BRIP1: variants seen among roughly 807,000 people sequenced by gnomAD.
BRIP1 encodes Fanconi anemia group J protein.
Under a neutral mutation model 119.7 loss-of-function variants are expected in BRIP1, and 88 were observed. That is an observed-to-expected ratio of 0.74 (90% CI 0.62 to 0.88). BRIP1 has a LOEUF of 0.88. Ranked by LOEUF, BRIP1 falls within the 40% of genes least tolerant of loss-of-function variation. The pLI, the probability that BRIP1 is intolerant of heterozygous loss-of-function variation, is 0.00. For synonymous variants in BRIP1, 443 were observed against 496.5 expected (o/e 0.89, Z 1.43); for missense variants, 1,259 against 1,455.4 (o/e 0.87, Z 2.20).
chr17:61,687,470 AAAAC>A lies in BRIP1; in HGVS notation c.2576-1309_2576-1306del, dbSNP rs754264211. Among the ~76,000 whole-genome samples the A allele has an allele frequency of 3.3e-5, 5 of 152,208 alleles. No homozygotes were observed. Among genetic ancestry groups the A allele is most frequent in the Non-Finnish European group, 7.3e-5 (5 of 68,040 alleles). Reference sequence around the variant, plus strand: ...CACACTTTACGTGGAAAGGGAAGATAAAACAAATAAAGCAATATTTTCTGCTTTA... The same window carrying A: ...CACACTTTACGTGGAAAGGGAAGATAAAATAAAGCAATATTTTCTGCTTTA... On this transcript the variant is annotated intron_variant, in intron 18 of 19. Transcript: ENST00000259008. This position sits in a 1 kb window ranked among gnomAD's most constrained non-coding sequence, Gnocchi z 5.1.
intron 18 of BRIP1, among the ~76,000 whole-genome samples, chr17:61,692,183 C>T (rs2061457619): frequency 6.6e-6 from 1 of 152,184 alleles, no homozygotes; most frequent in Non-Finnish European, 1.5e-5. Context: ...GATTCTTGTG[C>T]AGCCTGCAGA....
intron 4 of BRIP1, among the ~76,000 whole-genome samples, chr17:61,854,242 T>C (rs2078862591): frequency 6.6e-6 from 1 of 151,988 alleles, no homozygotes; most frequent in Non-Finnish European, 1.5e-5. Flanking sequence ...CACAGTACTG[T>C]ACCCAGCCTG....
rs369423278 is a variant in BRIP1 at position 61,734,673 on chromosome 17, A to G, written c.2379+8340T>C. 2.7e-3 allele frequency among the ~76,000 whole-genome samples: 415 copies of G among 152,364 alleles called. 3 individuals are homozygous for G. The highest frequency in any genetic ancestry group is 0.01 in the Middle Eastern group (3 of 294). On this transcript the variant is annotated intron_variant, in intron 16 of 19. Transcript: ENST00000259008. The surrounding 1 kb of genome is among the most constrained non-coding windows in gnomAD (Gnocchi z 5.2). ...GGTGGGAAGAGGAAATCCTGGTCACAGCCAAAGGAGTCATATTTTTGGCTC... is the reference window on the plus strand; with the variant it reads ...GGTGGGAAGAGGAAATCCTGGTCACGGCCAAAGGAGTCATATTTTTGGCTC...
At position 61,687,936 on chromosome 17, in the gene BRIP1, T is replaced by G. The variant is rs182076253; in HGVS notation, c.2576-1771A>C. Among the ~76,000 whole-genome samples the G allele has an allele frequency of 4.0e-4, 61 of 152,308 alleles. No individual in the cohort carries two copies. The Middle Eastern group carries it at 0.01, about 25-fold the overall frequency. On this transcript the variant is annotated intron_variant, in intron 18 of 19. Transcript: ENST00000259008. This position sits in a 1 kb window ranked among gnomAD's most constrained non-coding sequence, Gnocchi z 5.1. Reference sequence around the variant, plus strand: ...ACTGAAGAGCTGACATGAGCTGGCATACCCTACATGCCCAGGGGCCACTAA... The same window carrying G: ...ACTGAAGAGCTGACATGAGCTGGCAGACCCTACATGCCCAGGGGCCACTAA...
Position 61,798,351 on chromosome 17 carries a change from C to A in BRIP1, c.1340+749G>T, listed in dbSNP as rs1477105612. Reference sequence around the variant, plus strand: ...AATAGTGAGGGACAAGAAAATATATCTAATATTGGTTCATAAATGAGTAAT... The same window carrying A: ...AATAGTGAGGGACAAGAAAATATATATAATATTGGTTCATAAATGAGTAAT... On this transcript the variant is annotated intron_variant, in intron 9 of 19. Coordinates refer to ENST00000259008, the MANE Select transcript of BRIP1 (RefSeq NM_032043.3). This position sits in a 1 kb window ranked among gnomAD's most constrained non-coding sequence, Gnocchi z 5.5. Among the ~76,000 whole-genome samples, 2 of 151,814 alleles carry A rather than the reference C, an allele frequency of 1.3e-5. No homozygotes were observed. The highest frequency in any genetic ancestry group is 1.5e-5 in the Non-Finnish European group (1 of 67,890).
At chr17:61,781,170 A>G (rs187853151) in intron 11 of BRIP1, among the ~76,000 whole-genome samples, 165 bp from the exon 12 acceptor site, 6 of 152,360 alleles carry the variant, frequency 3.9e-5, no homozygotes, top group African/African-American at 1.4e-4. Context: ...AGTAATTCTG[A>G]TATTAATAAA....
At position 61,780,228 on chromosome 17, in the gene BRIP1, G is replaced by T; in HGVS notation, c.1935+33C>A. The stretch of plus-strand genomic sequence containing the variant: ...ATAGTTATATTGAAGTAGAAACACT[G>T]AAGGCCTTCCAAAAAAAAAAACAAC... On this transcript the variant is annotated intron_variant, in intron 13 of 19. Transcript: ENST00000259008. This position sits in a 1 kb window ranked among gnomAD's most constrained non-coding sequence, Gnocchi z 5.4. 4 of 1,589,472 alleles carry T rather than the reference G, an allele frequency of 2.5e-6. No homozygotes were observed. Among genetic ancestry groups the T allele is most frequent in the South Asian group, 1.1e-5 (1 of 89,200 alleles).
rs1349074029 is a variant in BRIP1 at position 61,724,455 on chromosome 17, T to G, written c.2380-8392A>C. On this transcript the variant is annotated intron_variant, in intron 16 of 19. Coordinates refer to ENST00000259008, the MANE Select transcript of BRIP1 (RefSeq NM_032043.3). The surrounding 1 kb of genome is among the most constrained non-coding windows in gnomAD (Gnocchi z 5.1). Reference sequence around the variant, plus strand: ...GAAATTAAGGTCACAATTATTAACATTAGACTTTTTCAACTTTCAGTCAAA... The same window carrying G: ...GAAATTAAGGTCACAATTATTAACAGTAGACTTTTTCAACTTTCAGTCAAA... 1.3e-5 allele frequency among the ~76,000 whole-genome samples: 2 copies of G among 152,254 alleles called. No individual in the cohort carries two copies. The highest frequency in any genetic ancestry group is 4.8e-5 in the African/African-American group (2 of 41,560).
Position 61,816,092 on chromosome 17 carries a change from C to A in BRIP1, c.628-7335G>T, listed in dbSNP as rs2078232565. On this transcript the variant is annotated intron_variant, in intron 6 of 19. Transcript: ENST00000259008. This position sits in a 1 kb window ranked among gnomAD's most constrained non-coding sequence, Gnocchi z 5.0. ...AAAGCAGCTGTTTATCCACTCACAG[C>A]AACCAGCAGGTGAACCTGATTCAAT... is the stretch of plus-strand genomic sequence containing the variant. Among the ~76,000 whole-genome samples, 1 of 152,200 alleles carries A rather than the reference C, an allele frequency of 6.6e-6. No individual in the cohort carries two copies. The highest frequency in any genetic ancestry group is 1.5e-5 in the Non-Finnish European group (1 of 68,028).
rs1255081044 is a variant in BRIP1, at chr17:61,805,867, T to C, written c.918+2600A>G. 6.6e-6 allele frequency among the ~76,000 whole-genome samples: 1 copy of C among 152,256 alleles called. No individual in the cohort carries two copies. Among genetic ancestry groups the C allele is most frequent in the African/African-American group, 2.4e-5 (1 of 41,474 alleles). On this transcript the variant is annotated intron_variant, in intron 7 of 19. Transcript: ENST00000259008. The surrounding 1 kb of genome is among the most constrained non-coding windows in gnomAD (Gnocchi z 5.6). Reference sequence around the variant, plus strand: ...AAAGTGCCTTTAGAATCTATGACTATGAGCTATTAAGTCTCATTTTAACCA... The same window carrying C: ...AAAGTGCCTTTAGAATCTATGACTACGAGCTATTAAGTCTCATTTTAACCA...
chr17:61,797,576 T>C lies in BRIP1; in HGVS notation c.1340+1524A>G, dbSNP rs116712757. ...GAATTAGCAACTACAGACAACTCTT[T>C]CAACAAGTTATGCTGTAAAATAAAA... On this transcript the variant is annotated intron_variant, in intron 9 of 19. Coordinates refer to ENST00000259008, the MANE Select transcript of BRIP1 (RefSeq NM_032043.3). 4.9e-3 allele frequency among the ~76,000 whole-genome samples: 743 copies of C among 152,130 alleles called. 5 individuals are homozygous for C. The highest frequency in any genetic ancestry group is 0.017 in the African/African-American group (701 of 41,544).
chr17:61,779,519 T>C (rs995774126), intron 13 of BRIP1, among the ~76,000 whole-genome samples: 2 of 151,764 alleles, frequency 1.3e-5, no homozygotes, highest in African/African-American at 4.8e-5. Flanking sequence ...ACTCAGAAGG[T>C]TGAGGCAGGA....
rs1555580758 is a variant in BRIP1, at chr17:61,715,948, T to G, written c.2492+3A>C. 1 of 1,561,130 alleles carries G rather than the reference T, an allele frequency of 6.4e-7. No homozygotes were observed. Among genetic ancestry groups the G allele is most frequent in the Non-Finnish European group, 8.8e-7 (1 of 1,133,706 alleles). ...ATATTATATTAAATTTCACTCCACTTACCTACCAAGGGCCTGGTTTAAGGC... is the reference window on the plus strand; with the variant it reads ...ATATTATATTAAATTTCACTCCACTGACCTACCAAGGGCCTGGTTTAAGGC... On this transcript the variant is annotated splice_donor_region_variant and intron_variant, in intron 17 of 19. Coordinates refer to ENST00000259008, the MANE Select transcript of BRIP1 (RefSeq NM_032043.3).
In BRIP1 at chr17:61,861,942, T is replaced by C. The variant is rs2078980010; in HGVS notation, c.-30-373A>G. The C allele has an allele frequency of 4.0e-6, 1 of 250,878 alleles. No individual in the cohort carries two copies. Among genetic ancestry groups the C allele is most frequent in the Non-Finnish European group, 7.8e-6 (1 of 127,732 alleles). 15.5% of individuals were successfully genotyped at this position (250,878 alleles called of 1,614,324 possible). On this transcript the variant is annotated intron_variant, in intron 1 of 19. Transcript: ENST00000259008. The surrounding 1 kb of genome is among the most constrained non-coding windows in gnomAD (Gnocchi z 4.5). ...AACATGAGCTCTTGTAACAGTTAGA[T>C]CAGATGTAATCAACCTACAGAAACA...
At chr17:61,773,222 CAAAA>C (rs1371540631) in intron 14 of BRIP1, among the ~76,000 whole-genome samples, 2 of 151,748 alleles carry the variant, frequency 1.3e-5, no homozygotes, top group African/African-American at 4.8e-5. Flanking sequence ...AAGAATTAAA[CAAAA>C]ACCTGCAGAA....
chr17:61,776,381 A>C lies in BRIP1; in HGVS notation c.2097+20T>G, dbSNP rs771066665. 1.5e-5 allele frequency: 25 copies of C among 1,613,658 alleles called. No individual in the cohort carries two copies. In the South Asian group the frequency reaches 2.7e-4, roughly 18 times the overall value. ...TAAATGATTATTTAAAGGCAAAAGA[A>C]ACAATAAATATTCCCTTACCTTGTA... On this transcript the variant is annotated intron_variant, in intron 14 of 19. Coordinates refer to ENST00000259008, the MANE Select transcript of BRIP1 (RefSeq NM_032043.3). The surrounding 1 kb of genome is among the most constrained non-coding windows in gnomAD (Gnocchi z 5.0).
intron 16 of BRIP1, among the ~76,000 whole-genome samples, chr17:61,731,145 G>T (rs1436971821): frequency 6.6e-6 from 1 of 151,714 alleles, no homozygotes; most frequent in Non-Finnish European, 1.5e-5. Flanking sequence ...AGTAATTGAG[G>T]ATATACTCAC....
chr17:61,771,108 T>A (rs2077441539), intron 14 of BRIP1, among the ~76,000 whole-genome samples: 1 of 152,220 alleles, frequency 6.6e-6, no homozygotes. Context: ...AATAAAGTAT[T>A]AATTCATCCT....
chr17:61,684,751 A>G lies in BRIP1; in HGVS notation c.2906-611T>C, dbSNP rs2061335494. The G allele has an allele frequency of 6.6e-6, 1 of 151,898 alleles. No homozygotes were observed. Among genetic ancestry groups the G allele is most frequent in the South Asian group, 2.1e-4 (1 of 4,812 alleles). The allele number at this position is 151,898 out of a possible 1,614,324, so 9.4% of individuals were successfully genotyped here. A position where few individuals can be genotyped will look rare whatever the true frequency, so the allele number is the denominator to read the frequency against. ...TATACTACAAAATACATGTTTAAAAATTGATGTTTTTCTTTTTTTTAGTCC... is the reference window on the plus strand; with the variant it reads ...TATACTACAAAATACATGTTTAAAAGTTGATGTTTTTCTTTTTTTTAGTCC... On this transcript the variant is annotated intron_variant, in intron 19 of 19. Transcript: ENST00000259008. This position sits in a 1 kb window ranked among gnomAD's most constrained non-coding sequence, Gnocchi z 4.5.
Sources: gnomAD v4.1 joint callset for allele counts (sites outside exome capture counted in the v4.1 genomes callset) on GRCh38, gnomAD v4.1.1 for gene constraint, Gnocchi (gnomAD v3.1) non-coding constraint, MANE v1.5 for transcripts, NCBI Gene and HGNC (gene_info 2026-07-23, HGNC 2026-07-21) for gene names.